Variants in FGGY observed in about 807,000 individuals in gnomAD.
FGGY encodes FGGY carbohydrate kinase domain-containing protein.
FGGY carries 72 observed loss-of-function variants against 71.3 expected under a neutral mutation model. The ratio of observed to expected loss-of-function variants is 1.01; its 90% confidence interval spans 0.84 to 1.23. The LOEUF is 1.23. Ranked by LOEUF, FGGY falls within the 50% of genes most tolerant of loss-of-function variation. FGGY has a pLI of 0.00. For synonymous variants in FGGY, 251 were observed against 250.3 expected (o/e 1.00, Z -0.02); for missense variants, 668 against 682.3 (o/e 0.98, Z 0.23).
chr1:59,356,774 G>C (rs1266467998), intron 4 of FGGY, among the ~76,000 whole-genome samples: 1 of 152,020 alleles, frequency 6.6e-6, no homozygotes, highest in African/African-American at 2.4e-5. Flanking sequence ...GAGCATTACT[G>C]TTCCTTTCCA....
intron 12 of FGGY, 99 bp downstream of exon 12, chr1:59,660,392 A>G: frequency 1.2e-6 from 1 of 843,452 alleles, no homozygotes; most frequent in Non-Finnish European, 1.8e-6. Flanking sequence ...TGTGACAGAG[A>G]TTCTTAATTA....
intron 4 of FGGY, among the ~76,000 whole-genome samples, chr1:59,358,089 G>T (rs1557659899): frequency 6.6e-6 from 1 of 152,204 alleles, no homozygotes; most frequent in African/African-American, 2.4e-5. Flanking sequence ...TGCATTTAAT[G>T]TGTGTTGTGA....
intron 11 of FGGY, among the ~76,000 whole-genome samples, chr1:59,648,325 C>T (rs1339240913): frequency 7.5e-6 from 1 of 133,362 alleles, no homozygotes; most frequent in Non-Finnish European, 1.5e-5. Context: ...AATCGCCACA[C>T]TGACTTCCAC....
intron 5 of FGGY, among the ~76,000 whole-genome samples, chr1:59,434,442 A>C (rs1480835781): frequency 6.6e-6 from 1 of 152,242 alleles, no homozygotes; most frequent in African/African-American, 2.4e-5. Context: ...CTGCAGAGGC[A>C]GGACACACTT....
chr1:59,674,146 CA>C lies in FGGY; in HGVS notation c.1512+14del. Reference sequence around the variant, plus strand: ...CGCTTCTGTACAGGTATGTGAAGACCAGGGGGTGGGCTGTGGCTCCTCCCCT... The same window carrying C: ...CGCTTCTGTACAGGTATGTGAAGACCGGGGGTGGGCTGTGGCTCCTCCCCT... On this transcript the variant is annotated intron_variant, in intron 14 of 15. Coordinates refer to ENST00000303721, the MANE Select transcript of FGGY (RefSeq NM_018291.5). 1 of 1,609,746 alleles carries C rather than the reference CA, an allele frequency of 6.2e-7. No homozygotes were observed. The highest frequency in any genetic ancestry group is 8.5e-7 in the Non-Finnish European group (1 of 1,176,858).
At chr1:59,709,950 G>A (rs2097782548) in intron 14 of FGGY, among the ~76,000 whole-genome samples, 1 of 151,914 alleles carries the variant, frequency 6.6e-6, no homozygotes, top group Non-Finnish European at 1.5e-5. Flanking sequence ...CCCACCCTGA[G>A]ACACAGGGGG....
chr1:59,596,586 C>T (rs536275801), intron 8 of FGGY, among the ~76,000 whole-genome samples: 1 of 152,118 alleles, frequency 6.6e-6, no homozygotes, highest in Non-Finnish European at 1.5e-5. Flanking sequence ...AGCTCAGTTT[C>T]CTTTTCCATT....
chr1:59,761,066 G>T (rs760249945), intron 15 of FGGY, among the ~76,000 whole-genome samples: 1 of 152,102 alleles, frequency 6.6e-6, no homozygotes, highest in Non-Finnish European at 1.5e-5. Flanking sequence ...TATGAGTCAG[G>T]TACTGTTCTA....
intron 8 of FGGY, among the ~76,000 whole-genome samples, chr1:59,561,593 C>T (rs1012294957): frequency 2.0e-5 from 3 of 152,180 alleles, no homozygotes; most frequent in African/African-American, 7.2e-5. Context: ...AGCAGTAATA[C>T]TACTTGCTAC....
intron 7 of FGGY, among the ~76,000 whole-genome samples, chr1:59,524,053 G>C (rs1570651428): frequency 6.6e-6 from 1 of 152,334 alleles, no homozygotes; most frequent in East Asian, 1.9e-4. Context: ...TACGCTCTCA[G>C]GGGCCCAGGA....
In FGGY at chr1:59,692,485, G is replaced by C. The variant is rs571038648; in HGVS notation, c.1512+18352G>C. 1.8e-4 allele frequency among the ~76,000 whole-genome samples: 27 copies of C among 152,190 alleles called. 1 individual carries two copies. The highest frequency in any genetic ancestry group is 6.3e-4 in the African/African-American group (26 of 41,514). ...GTCAGAGATGAATTGAACCAAAGTTGGTGTGACAAAGCCTCTGTTTTAAGC... is the reference window on the plus strand; with the variant it reads ...GTCAGAGATGAATTGAACCAAAGTTCGTGTGACAAAGCCTCTGTTTTAAGC... On this transcript the variant is annotated intron_variant, in intron 14 of 15. Coordinates refer to ENST00000303721, the MANE Select transcript of FGGY (RefSeq NM_018291.5).
intron 5 of FGGY, among the ~76,000 whole-genome samples, chr1:59,379,094 A>G (rs2059043655): frequency 6.6e-6 from 1 of 151,934 alleles, no homozygotes. Flanking sequence ...AGGAGATATG[A>G]AAAATCCAGA....
intron 9 of FGGY, among the ~76,000 whole-genome samples, chr1:59,624,945 A>G (rs1055384830): frequency 6.6e-6 from 1 of 152,134 alleles, no homozygotes; most frequent in African/African-American, 2.4e-5. Context: ...AAAACAGTTT[A>G]GTGACTTGCA....
intron 6 of FGGY, among the ~76,000 whole-genome samples, chr1:59,462,648 G>T (rs937374312): frequency 2.0e-5 from 3 of 152,126 alleles, no homozygotes; most frequent in African/African-American, 7.2e-5. Flanking sequence ...GTGGGCAAAG[G>T]ATATGAACAG....
At chr1:59,374,126 A>G (rs1163722326) in intron 4 of FGGY, among the ~76,000 whole-genome samples, 1 of 152,198 alleles carries the variant, frequency 6.6e-6, no homozygotes, top group Admixed American at 6.5e-5. Flanking sequence ...AACCCACAAA[A>G]TGGCAGAAAA....
intron 5 of FGGY, among the ~76,000 whole-genome samples, chr1:59,413,781 C>A (rs1025952949): frequency 3.3e-5 from 5 of 152,018 alleles, no homozygotes; most frequent in Admixed American, 1.3e-4. Flanking sequence ...GGCAACATGG[C>A]AAAACCCCGT....
At chr1:59,461,785 GT>G (rs1558003621) in intron 6 of FGGY, among the ~76,000 whole-genome samples, 1 of 150,832 alleles carries the variant, frequency 6.6e-6, no homozygotes, top group Non-Finnish European at 1.5e-5. Flanking sequence ...GTTTTGTTTT[GT>G]TTTGTTTTGT....
intron 6 of FGGY, among the ~76,000 whole-genome samples, chr1:59,491,136 TTC>T (rs533809468): frequency 0.37 from 29,860 of 80,844 alleles, 7,071 homozygotes; most frequent in Middle Eastern, 0.5. Context: ...CCTTCCTTCC[TTC>T]CTTCCTTTCT....
chr1:59,499,919 A>G (rs1717821), intron 6 of FGGY, among the ~76,000 whole-genome samples: 65,390 of 151,766 alleles, frequency 0.43, 15,267 homozygotes, highest in African/African-American at 0.62. Flanking sequence ...ATATATATGT[A>G]TGTGTGTGTG....
Sources: allele counts gnomAD v4.1 joint callset (sites outside exome capture counted in the v4.1 genomes callset), GRCh38; gene constraint gnomAD v4.1.1; transcripts MANE v1.5; gene names NCBI Gene and HGNC (gene_info 2026-07-23, HGNC 2026-07-21).